Variants in TCP10L observed in about 807,000 individuals in gnomAD.
TCP10L encodes t-complex 10 like.
A neutral mutation model predicts 19.2 loss-of-function variants in TCP10L; 11 were observed. The observed-to-expected ratio is 0.57, with a 90% CI of 0.36 to 0.95. The LOEUF (loss-of-function observed/expected upper bound fraction) is 0.95. Among genes scored for constraint, TCP10L ranks in the 40% least tolerant of loss-of-function variants. The probability of loss-of-function intolerance (pLI) is 0.01; values close to 1 mark genes in which losing one functional copy is unlikely to be tolerated. For synonymous variants in TCP10L, 96 were observed against 97.2 expected (o/e 0.99, Z 0.07); for missense variants, 247 against 263.9 (o/e 0.94, Z 0.44).
intron 3 of TCP10L, among the ~76,000 whole-genome samples, chr21:32,581,197 C>T (rs993601580): frequency 6.6e-5 from 10 of 152,250 alleles, no homozygotes; most frequent in Admixed American, 2.0e-4. Context: ...GGCGGAATGA[C>T]ACGGAGTTTG....
At position 32,578,722 on chromosome 21, in the gene TCP10L, G is replaced by C. The variant is rs373620410; in HGVS notation, c.470C>G (p.Ser157Trp). Residue 157 changes from serine to tryptophan, a missense_variant, in exon 4 of 5, where the codon TCG (serine) becomes TGG (tryptophan). By Grantham distance (177) the Ser-to-Trp change is radical. Coordinates refer to ENST00000300258, the MANE Select transcript of TCP10L (RefSeq NM_144659.7). The surrounding 1 kb of genome is among the most constrained non-coding windows in gnomAD (Gnocchi z 4.2). ...NQSATLLGQR[S>W]SSNNSAPPKP... Reference sequence around the variant, plus strand: ...TGGAGGAGCTGAATTGTTAGATGACGATCTTTGTCCCAGGAGAGTGGCACT... The same window carrying C: ...TGGAGGAGCTGAATTGTTAGATGACCATCTTTGTCCCAGGAGAGTGGCACT... 3 of 1,614,148 alleles carry C rather than the reference G, an allele frequency of 1.9e-6. No individual in the cohort carries two copies. The highest frequency in any genetic ancestry group is 1.1e-5 in the South Asian group (1 of 91,052).
At chr21:32,583,894 T>C (rs1311129627) in intron 2 of TCP10L, among the ~76,000 whole-genome samples, 7 of 152,138 alleles carry the variant, frequency 4.6e-5, no homozygotes, top group African/African-American at 1.7e-4. Context: ...GTTTTTAAAG[T>C]CTGGTGCCTT....
At chr21:32,581,200 G>A (rs924754200) in intron 3 of TCP10L, among the ~76,000 whole-genome samples, 4 of 152,224 alleles carry the variant, frequency 2.6e-5, no homozygotes, top group African/African-American at 9.6e-5. Context: ...GGAATGACAC[G>A]GAGTTTGCTT....
Position 32,576,815 on chromosome 21 carries a change from C to A in TCP10L, c.607G>T (p.Gly203Ter), listed in dbSNP as rs748391715. 2.5e-6 allele frequency: 4 copies of A among 1,613,958 alleles called. No individual in the cohort carries two copies. The highest frequency in any genetic ancestry group is 3.4e-6 in the Non-Finnish European group (4 of 1,180,024). ...CTCTCTGCACAGGGAGTTGGCCTTC[C>A]AGTAGGTGTTGCTCTTCTGTCTTGA... ...RRQDRRATPT[G>*]RPTPCAERRG... Residue 203 changes from glycine to a stop codon, truncating the protein, a stop_gained, in exon 5 of 5, where the codon GGA (glycine) becomes TGA (stop). Transcript: ENST00000300258. LOFTEE classifies it low-confidence loss of function (END_TRUNC).
intron 1 of TCP10L, 86 bp from the exon 2 acceptor site, chr21:32,584,391 T>G: frequency 2.0e-6 from 3 of 1,507,820 alleles, no homozygotes; most frequent in Non-Finnish European, 2.7e-6. Context: ...AGCCCCAAAC[T>G]AAGGGTGAGC....
intron 1 of TCP10L, among the ~76,000 whole-genome samples, chr21:32,585,104 C>T (rs2038546848): frequency 6.6e-6 from 1 of 152,166 alleles, no homozygotes; most frequent in South Asian, 2.1e-4. Flanking sequence ...TCATAAACTT[C>T]TAACTGTGTG....
intron 4 of TCP10L, among the ~76,000 whole-genome samples, chr21:32,577,206 A>G (rs537713866): frequency 6.6e-6 from 1 of 152,362 alleles, no homozygotes; most frequent in South Asian, 2.1e-4. Flanking sequence ...ATAATTTTCT[A>G]CATTTTGCAC....
chr21:32,577,095 C>T (rs536687237), intron 4 of TCP10L, among the ~76,000 whole-genome samples, 172 bp from the exon 5 acceptor site: 1 of 152,298 alleles, frequency 6.6e-6, no homozygotes, highest in Non-Finnish European at 1.5e-5. Flanking sequence ...ATTTTACAGC[C>T]CACGCTCTTG....
In TCP10L at chr21:32,576,020, G is replaced by A; in HGVS notation, c.*754C>T. The A allele has an allele frequency of 2.8e-6, 1 of 356,846 alleles. No homozygotes were observed. Among genetic ancestry groups the A allele is most frequent in the Non-Finnish European group, 5.2e-6 (1 of 191,346 alleles). The allele number at this position is 356,846 out of a possible 1,614,324, so 22.1% of individuals were successfully genotyped here. Reference sequence around the variant, plus strand: ...CGGCATGTGGGCTGTGTGTGGGGTGGAGGGCTGGGGGTGTTGGCAAGTCTC... The same window carrying A: ...CGGCATGTGGGCTGTGTGTGGGGTGAAGGGCTGGGGGTGTTGGCAAGTCTC... On this transcript the variant is annotated 3_prime_UTR_variant, in exon 5 of 5. Coordinates refer to ENST00000300258, the MANE Select transcript of TCP10L (RefSeq NM_144659.7).
intron 1 of TCP10L, 37 bp downstream of exon 1, chr21:32,585,383 CT>C: frequency 5.6e-6 from 1 of 178,496 alleles, no homozygotes; most frequent in Non-Finnish European, 1.2e-5. Context: ...AGGGAAGACC[CT>C]TTCCTTCAGC....
At position 32,575,855 on chromosome 21, in the gene TCP10L, A is replaced by G. The variant is rs567805952; in HGVS notation, c.*919T>C. Reference sequence around the variant, plus strand: ...AGGGCGCTCCATCAGGGTGGCAGCAATGCCATGGGCTGGCAAATGGAGAAA... The same window carrying G: ...AGGGCGCTCCATCAGGGTGGCAGCAGTGCCATGGGCTGGCAAATGGAGAAA... On this transcript the variant is annotated 3_prime_UTR_variant, in exon 5 of 5. Transcript: ENST00000300258. 6.2e-6 allele frequency: 1 copy of G among 161,962 alleles called. No individual in the cohort carries two copies. The highest frequency in any genetic ancestry group is 1.8e-4 in the East Asian group (1 of 5,616). 10.0% of individuals were successfully genotyped at this position (161,962 alleles called of 1,614,324 possible). A position where few individuals can be genotyped will look rare whatever the true frequency, so the allele number is the denominator to read the frequency against.
In TCP10L at chr21:32,578,569, A is replaced by C. The variant is rs2038459444; in HGVS notation, c.498+125T>G. ...TGTACCCGTGTCCTTGGAAGAACAC[A>C]GGACTCCAGGGAGCACCATGCTCAC... On this transcript the variant is annotated intron_variant, in intron 4 of 4. Coordinates refer to ENST00000300258, the MANE Select transcript of TCP10L (RefSeq NM_144659.7). The surrounding 1 kb of genome is among the most constrained non-coding windows in gnomAD (Gnocchi z 4.2). 1.4e-6 allele frequency: 2 copies of C among 1,392,280 alleles called. No individual in the cohort carries two copies. Among genetic ancestry groups the C allele is most frequent in the African/African-American group, 2.9e-5 (2 of 69,202 alleles). The allele number at this position is 1,392,280 out of a possible 1,614,324, so 86.2% of individuals were successfully genotyped here.
intron 3 of TCP10L, among the ~76,000 whole-genome samples, chr21:32,580,036 G>C (rs780358392): frequency 1.3e-5 from 2 of 152,202 alleles, no homozygotes; most frequent in Non-Finnish European, 2.9e-5. Context: ...CAGAGCTCCC[G>C]AAGAGTGGGA....
At position 32,576,331 on chromosome 21, in the gene TCP10L, A is replaced by T; in HGVS notation, c.*443T>A. 2 of 1,497,038 alleles carry T rather than the reference A, an allele frequency of 1.3e-6. No homozygotes were observed. Among genetic ancestry groups the T allele is most frequent in the East Asian group, 4.7e-5 (2 of 42,548 alleles). 92.7% of individuals were successfully genotyped at this position (1,497,038 alleles called of 1,614,324 possible). On this transcript the variant is annotated 3_prime_UTR_variant, in exon 5 of 5. Coordinates refer to ENST00000300258, the MANE Select transcript of TCP10L (RefSeq NM_144659.7). ...GGAAGATGGATGCATAGCCTGGGGCAATGACAGTCACAGGCCCGCCTTGTC... is the reference window on the plus strand; with the variant it reads ...GGAAGATGGATGCATAGCCTGGGGCTATGACAGTCACAGGCCCGCCTTGTC...
chr21:32,576,547 A>G lies in TCP10L; in HGVS notation c.*227T>C, dbSNP rs1466186274. The G allele has an allele frequency of 3.2e-6, 2 of 620,912 alleles. No homozygotes were observed. The highest frequency in any genetic ancestry group is 3.7e-5 in the African/African-American group (2 of 54,148). 38.5% of individuals were successfully genotyped at this position (620,912 alleles called of 1,614,324 possible). On this transcript the variant is annotated 3_prime_UTR_variant, in exon 5 of 5. Coordinates refer to ENST00000300258, the MANE Select transcript of TCP10L (RefSeq NM_144659.7). ...ACTACAGAGCTCAGGAAAGCAACTG[A>G]TTTATAAAACCCAATCCAAGTTGTT...
chr21:32,583,371 C>T (rs1325636938), intron 2 of TCP10L, among the ~76,000 whole-genome samples: 2 of 151,702 alleles, frequency 1.3e-5, no homozygotes, highest in Admixed American at 6.6e-5. Context: ...GGGCGGATCA[C>T]GAGGTCAGGA....
intron 2 of TCP10L, among the ~76,000 whole-genome samples, chr21:32,583,280 G>A (rs1314802874): frequency 2.0e-5 from 3 of 151,560 alleles, no homozygotes; most frequent in South Asian, 2.1e-4. Context: ...ATGGATATAT[G>A]GTCAATAGTT....
chr21:32,575,625 C>T lies in TCP10L; in HGVS notation c.*1149G>A, dbSNP rs2038422871. ...CTGAGGCTCGGCCACCACATAGGCC[C>T]CGTTTCTTTACCAAGATAGGTTCCT... is the stretch of plus-strand genomic sequence containing the variant. On this transcript the variant is annotated 3_prime_UTR_variant, in exon 5 of 5. Coordinates refer to ENST00000300258, the MANE Select transcript of TCP10L (RefSeq NM_144659.7). 6.5e-6 allele frequency: 1 copy of T among 153,184 alleles called. No individual in the cohort carries two copies. Among genetic ancestry groups the T allele is most frequent in the Non-Finnish European group, 1.5e-5 (1 of 68,500 alleles). The allele number at this position is 153,184 out of a possible 1,614,324, so 9.5% of individuals were successfully genotyped here.
In TCP10L at chr21:32,584,199, C is replaced by G; in HGVS notation, c.106G>C (p.Glu36Gln). Residue 36 changes from glutamate (E) to glutamine (Q), a missense_variant, in exon 2 of 5, where the codon GAG becomes CAG. Glu to Gln is a conservative substitution (Grantham distance 29). Coordinates refer to ENST00000300258, the MANE Select transcript of TCP10L (RefSeq NM_144659.7). ...GTGTTGCAGTCCTCCGTGAGAACCT[C>G]GGCTGCCACAGCTGTCTTCTCCATG... ...AVMEKTAVAAEVLTEDCNTGE... is the reference protein window; with the variant it reads ...AVMEKTAVAAQVLTEDCNTGE... 6.2e-7 allele frequency: 1 copy of G among 1,614,028 alleles called. No homozygotes were observed. The highest frequency in any genetic ancestry group is 8.5e-7 in the Non-Finnish European group (1 of 1,179,962).
Sources: gnomAD v4.1 joint callset for allele counts (sites outside exome capture counted in the v4.1 genomes callset) on GRCh38, gnomAD v4.1.1 for gene constraint, Gnocchi (gnomAD v3.1) non-coding constraint, MANE v1.5 for transcripts, NCBI Gene and HGNC (gene_info 2026-07-23, HGNC 2026-07-21) for gene names.